The following ITGAE variants were observed in gnomAD, a reference collection of about 807,000 sequenced individuals.
ITGAE encodes the protein integrin alpha-E.
ITGAE carries 99 observed loss-of-function variants against 136.5 expected under a neutral mutation model. The ratio of observed to expected loss-of-function variants is 0.73; its 90% confidence interval spans 0.62 to 0.86. The LOEUF is 0.86. ITGAE is among the 40% of genes least tolerant of loss of function. ITGAE has a pLI of 0.00. For missense variants in ITGAE, 1,447 were observed against 1,515.3 expected, an observed-to-expected ratio of 0.95 and a Z score of 0.75; for synonymous variants, 613 against 591.8, an observed-to-expected ratio of 1.04 and a Z score of -0.52.
intron 1 of ITGAE, among the ~76,000 whole-genome samples, chr17:3,779,613 G>A (rs2052618354): frequency 6.6e-6 from 1 of 152,186 alleles, no homozygotes; most frequent in African/African-American, 2.4e-5. Context: ...ACAGGTGTGA[G>A]CCACCACATC....
At chr17:3,787,100 C>G (rs1226773529) in intron 1 of ITGAE, among the ~76,000 whole-genome samples, 1 of 144,614 alleles carries the variant, frequency 6.9e-6, no homozygotes, top group Non-Finnish European at 1.5e-5. Context: ...AACCAGGAAT[C>G]AGAGGGAATT....
At chr17:3,766,047 TG>T (rs1221859148) in intron 2 of ITGAE, among the ~76,000 whole-genome samples, 4 of 151,954 alleles carry the variant, frequency 2.6e-5, no homozygotes, top group Non-Finnish European at 2.9e-5. Flanking sequence ...GATCATGAGA[TG>T]GGGGGGTTAT....
intron 1 of ITGAE, among the ~76,000 whole-genome samples, chr17:3,794,066 C>A (rs1782952697): frequency 6.6e-6 from 1 of 151,064 alleles, no homozygotes; most frequent in African/African-American, 2.4e-5. Flanking sequence ...GCAACCTCCG[C>A]CTCCTGGGTT....
At chr17:3,731,877 A>G (rs892376906) in intron 22 of ITGAE, among the ~76,000 whole-genome samples, 12 of 150,586 alleles carry the variant, frequency 8.0e-5, no homozygotes, top group African/African-American at 2.9e-4. Flanking sequence ...GTTTGAGACC[A>G]GCCTGGCCAA....
intron 2 of ITGAE, among the ~76,000 whole-genome samples, chr17:3,765,893 C>T (rs1461939717): frequency 2.6e-5 from 4 of 152,162 alleles, no homozygotes; most frequent in South Asian, 4.1e-4. Flanking sequence ...ACACCTATAA[C>T]GGCTGAAATT....
intron 20 of ITGAE, among the ~76,000 whole-genome samples, chr17:3,737,177 C>T (rs2051477434): frequency 6.6e-6 from 1 of 152,122 alleles, no homozygotes; most frequent in Admixed American, 6.5e-5. Flanking sequence ...CCTGTGATCC[C>T]AGCTACACAG....
At chr17:3,744,477 C>G (rs1159396830) in intron 18 of ITGAE, among the ~76,000 whole-genome samples, 2 of 141,938 alleles carry the variant, frequency 1.4e-5, no homozygotes, top group African/African-American at 5.4e-5. Context: ...GATGGAGTCT[C>G]GCTCTGTCGC....
chr17:3,756,220 TG>T (rs5818915), intron 10 of ITGAE, among the ~76,000 whole-genome samples: 97,440 of 122,840 alleles, frequency 0.79, 40,196 homozygotes, highest in African/African-American at 0.95. Flanking sequence ...GGGATATTGT[TG>T]GCCTTTTTTT....
At chr17:3,745,664 T>G in intron 18 of ITGAE, 100 bp downstream of exon 18, 1 of 1,164,976 alleles carries the variant, frequency 8.6e-7, no homozygotes, top group East Asian at 2.4e-5. Context: ...TTTAATCACC[T>G]CATTTGTAGG....
rs1346089360 is a variant in ITGAE at position 3,739,668 on chromosome 17, GATA to G, written c.2522+134_2522+136del. ...TCTGGGGTAGCTGAGGACATATTGA[GATA>G]ATAAGTGCAGAAGCCATTTGTGGGC... On this transcript the variant is annotated intron_variant, in intron 20 of 30. Transcript: ENST00000263087. The G allele has an allele frequency of 4.1e-5, 29 of 713,682 alleles. No individual in the cohort carries two copies. The South Asian group carries it at 4.4e-4, about 11-fold the overall frequency. The allele number at this position is 713,682 out of a possible 1,614,324, so 44.2% of individuals were successfully genotyped here.
At chr17:3,786,671 C>T (rs1567558262) in intron 1 of ITGAE, among the ~76,000 whole-genome samples, 1 of 152,104 alleles carries the variant, frequency 6.6e-6, no homozygotes, top group Non-Finnish European at 1.5e-5. Flanking sequence ...GCCAGCGGAT[C>T]ACGAGGTCAA....
At chr17:3,723,653 G>A (rs1253981604) in intron 27 of ITGAE, 35 bp downstream of exon 27, 2 of 1,544,820 alleles carry the variant, frequency 1.3e-6, no homozygotes, top group South Asian at 1.2e-5. Context: ...CAGGCCCTCC[G>A]CCCTCCCCTG....
At chr17:3,731,309 T>A in intron 22 of ITGAE, 126 bp from the exon 23 acceptor site, 1 of 650,808 alleles carries the variant, frequency 1.5e-6, no homozygotes, top group Non-Finnish European at 2.7e-6. Flanking sequence ...CACATTTTTC[T>A]AACACAGCAT....
chr17:3,779,701 G>T (rs188319313), intron 1 of ITGAE, among the ~76,000 whole-genome samples: 1 of 152,160 alleles, frequency 6.6e-6, no homozygotes, highest in Non-Finnish European at 1.5e-5. Context: ...CGTGATAAAA[G>T]AAACACTCAA....
chr17:3,762,401 C>G (rs2976237), intron 3 of ITGAE, among the ~76,000 whole-genome samples: 106,798 of 151,852 alleles, frequency 0.7, 38,942 homozygotes, highest in African/African-American at 0.83. Flanking sequence ...CAAGGAACCC[C>G]CCAGCCTCAC....
chr17:3,784,745 A>C (rs760904131), intron 1 of ITGAE, among the ~76,000 whole-genome samples: 1 of 152,202 alleles, frequency 6.6e-6, no homozygotes, highest in Non-Finnish European at 1.5e-5. Flanking sequence ...ACCATATGCT[A>C]GATCACAAAG....
intron 19 of ITGAE, among the ~76,000 whole-genome samples, chr17:3,741,670 G>A (rs375747805): frequency 1.1e-4 from 16 of 152,312 alleles, no homozygotes; most frequent in Admixed American, 2.0e-4. Context: ...AATGAGACGT[G>A]CTTATTAATG....
intron 3 of ITGAE, among the ~76,000 whole-genome samples, chr17:3,762,437 C>T (rs1433975376): frequency 6.6e-6 from 1 of 152,030 alleles, no homozygotes; most frequent in African/African-American, 2.4e-5. Context: ...AATCTTACTG[C>T]CCCCAGCCTC....
At chr17:3,795,878 CGT>C (rs1318133641) in intron 1 of ITGAE, among the ~76,000 whole-genome samples, 2 of 128,160 alleles carry the variant, frequency 1.6e-5, no homozygotes, top group African/African-American at 3.0e-5. Flanking sequence ...CATCCGTGTG[CGT>C]GTGCATCCGT....
Sources: allele counts gnomAD v4.1 joint callset (sites outside exome capture counted in the v4.1 genomes callset), GRCh38; gene constraint gnomAD v4.1.1; transcripts MANE v1.5; gene names NCBI Gene and HGNC (gene_info 2026-07-23, HGNC 2026-07-21).